Variants in AP1B1 observed in about 807,000 individuals in gnomAD.
AP1B1 encodes adaptor related protein complex 1 subunit beta 1.
A neutral mutation model predicts 104.3 loss-of-function variants in AP1B1; 36 were observed. The observed-to-expected ratio is 0.35, with a 90% CI of 0.26 to 0.46. The LOEUF is 0.46. Ranked by LOEUF, AP1B1 falls within the 20% of genes least tolerant of loss-of-function variation. AP1B1 has a pLI of 1.00. For missense variants in AP1B1, 901 were observed against 1,247.9 expected (o/e 0.72, Z 4.19); for synonymous variants, 504 against 517.5 (o/e 0.97, Z 0.35).
chr22:29,384,290 CTG>C (rs1602837479), intron 1 of AP1B1, among the ~76,000 whole-genome samples: 1 of 152,070 alleles, frequency 6.6e-6, no homozygotes, highest in Non-Finnish European at 1.5e-5. Flanking sequence ...TCCCAGGTCT[CTG>C]GAAGCCCTGA....
intron 19 of AP1B1, 115 bp downstream of exon 19, chr22:29,331,334 G>T: frequency 4.8e-6 from 5 of 1,047,732 alleles, no homozygotes; most frequent in South Asian, 2.7e-5. Context: ...GCAACTCCCC[G>T]ACTCCATTTA....
rs768246871 is a variant in AP1B1, at chr22:29,340,743, G to A, written c.1911C>T (p.Leu637=). The A allele has an allele frequency of 8.8e-6, 14 of 1,596,458 alleles. No homozygotes were observed. The highest frequency in any genetic ancestry group is 4.6e-5 in the South Asian group (4 of 87,502). The change falls in exon 14 of 23, where the codon CTC becomes CTT. Residue 637 remains leucine (L), a synonymous_variant. Transcript: ENST00000357586. ...GGGGTGGGCCGCTCACTGGGGGGCC[G>A]AGGTCCAGGTTGAGGAGGTCACCCA... is the stretch of plus-strand genomic sequence containing the variant. The part of the protein sequence containing the change: ...DLLGDLLNLD[L]GPPVSGPPLA...
chr22:29,343,051 T>C (rs1263249270), intron 11 of AP1B1, among the ~76,000 whole-genome samples: 1 of 152,104 alleles, frequency 6.6e-6, no homozygotes, highest in Non-Finnish European at 1.5e-5. Flanking sequence ...TGGGCTGGAG[T>C]GATGTCTGTC....
intron 6 of AP1B1, among the ~76,000 whole-genome samples, chr22:29,355,977 G>C (rs1370881796): frequency 6.6e-6 from 1 of 152,120 alleles, no homozygotes; most frequent in Admixed American, 6.5e-5. Context: ...TGAGTCAGGT[G>C]AGCCCCAGCC....
In AP1B1 at chr22:29,383,627, T is replaced by C. The variant is rs1286210191; in HGVS notation, c.-28+4797A>G. Among the ~76,000 whole-genome samples, 3 of 141,428 alleles carry C rather than the reference T, an allele frequency of 2.1e-5. No individual in the cohort carries two copies. The Admixed American group carries it at 2.4e-4, about 11-fold the overall frequency. The allele number at this position is 141,428 out of a possible 152,430, so 92.8% of individuals were successfully genotyped here. ...AGGAGGCTGAAGCAGGAGAATGGCGTGAACCTGGGAGGCAGAGCTTGCAGT... is the reference window on the plus strand; with the variant it reads ...AGGAGGCTGAAGCAGGAGAATGGCGCGAACCTGGGAGGCAGAGCTTGCAGT... On this transcript the variant is annotated intron_variant, in intron 1 of 22. Transcript: ENST00000357586.
rs5844848 is a variant in AP1B1, at chr22:29,368,756, C to CAAAAA, written c.-27-1491_-27-1487dup. 2.5e-5 allele frequency among the ~76,000 whole-genome samples: 3 copies of CAAAAA among 118,726 alleles called. 1 individual carries two copies. Among genetic ancestry groups the CAAAAA allele is most frequent in the Non-Finnish European group, 5.5e-5 (3 of 54,968 alleles). 77.9% of individuals were successfully genotyped at this position (118,726 alleles called of 152,430 possible). A position where few individuals can be genotyped will look rare whatever the true frequency, so the allele number is the denominator to read the frequency against. On this transcript the variant is annotated intron_variant, in intron 1 of 22. Transcript: ENST00000357586. ...CCTGATAGTGGCTAAAGGATTCAGTCAAAAAAAAAAAAAAAAATTGAGGCC... is the reference window on the plus strand; with the variant it reads ...CCTGATAGTGGCTAAAGGATTCAGTCAAAAAAAAAAAAAAAAAAAAAATTGAGGCC...
At position 29,363,033 on chromosome 22, in the gene AP1B1, C is replaced by G; in HGVS notation, c.111G>C (p.Val37=). 1 of 1,609,474 alleles carries G rather than the reference C, an allele frequency of 6.2e-7. No individual in the cohort carries two copies. Among genetic ancestry groups the G allele is most frequent in the Non-Finnish European group, 8.5e-7 (1 of 1,175,836 alleles). The change falls in exon 3 of 23, where the codon GTG becomes GTC. Residue 37 remains valine (V), a synonymous_variant. Transcript: ENST00000357586. ...CTTTGCCCACGGTCATCGATGCAAT[C>G]ACTTTCTTCACTGCCTCCTTCTTCT... ...KEKKKEAVKK[V]IASMTVGKDV...
intron 6 of AP1B1, among the ~76,000 whole-genome samples, chr22:29,356,037 C>G (rs2061952257): frequency 6.6e-6 from 1 of 152,216 alleles, no homozygotes; most frequent in Non-Finnish European, 1.5e-5. Flanking sequence ...GCTCCCTCAT[C>G]TGGAAAGTGG....
At chr22:29,335,899 C>T (rs560305543) in intron 16 of AP1B1, among the ~76,000 whole-genome samples, 10 of 152,278 alleles carry the variant, frequency 6.6e-5, no homozygotes, top group East Asian at 3.9e-4. Context: ...TGAGAGAGTA[C>T]GCAGAAGCTG....
At position 29,360,003 on chromosome 22, in the gene AP1B1, G is replaced by A. The variant is rs749124797; in HGVS notation, c.144-44C>T. The A allele has an allele frequency of 1.9e-6, 3 of 1,588,690 alleles. No individual in the cohort carries two copies. The Admixed American group carries it at 5.1e-5, about 27-fold the overall frequency. ...GTCAGCATGGGAAAGGCTGAACAAA[G>A]GAAGAGGAAGATTTTCAGGCTGCTA... On this transcript the variant is annotated intron_variant, in intron 3 of 22. Coordinates refer to ENST00000357586, the MANE Select transcript of AP1B1 (RefSeq NM_001127.4).
intron 7 of AP1B1, among the ~76,000 whole-genome samples, chr22:29,353,092 C>T (rs762625707): frequency 2.0e-5 from 3 of 152,170 alleles, no homozygotes; most frequent in Non-Finnish European, 4.4e-5. Flanking sequence ...GGTCACATGG[C>T]TAATGTCAGT....
intron 17 of AP1B1, among the ~76,000 whole-genome samples, chr22:29,333,830 G>A (rs113276065): frequency 0.019 from 2,935 of 152,256 alleles, 30 homozygotes; most frequent in South Asian, 0.045. Context: ...TTGGGAGGCC[G>A]AGGTGGGCGG....
intron 7 of AP1B1, among the ~76,000 whole-genome samples, chr22:29,353,633 C>T (rs928921718): frequency 3.3e-5 from 5 of 152,084 alleles, no homozygotes; most frequent in African/African-American, 9.7e-5. Context: ...TAACCCAATT[C>T]GACCAATATC....
chr22:29,356,633 GA>G lies in AP1B1; in HGVS notation c.526-18del. The G allele has an allele frequency of 5.0e-6, 8 of 1,611,972 alleles. No individual in the cohort carries two copies. The highest frequency in any genetic ancestry group is 6.8e-6 in the Non-Finnish European group (8 of 1,178,694). ...GGCCACCACCTGGTTGAGAGGGTGG[GA>G]GGGGCAGAGGCTGGGGGTGCTGCTC... On this transcript the variant is annotated intron_variant, in intron 5 of 22. Coordinates refer to ENST00000357586, the MANE Select transcript of AP1B1 (RefSeq NM_001127.4).
At chr22:29,355,333 G>A (rs1235723535) in intron 6 of AP1B1, among the ~76,000 whole-genome samples, 1 of 151,938 alleles carries the variant, frequency 6.6e-6, no homozygotes, top group Non-Finnish European at 1.5e-5. Context: ...GGTGGTGCAT[G>A]CCTGTAGTCC....
intron 5 of AP1B1, among the ~76,000 whole-genome samples, chr22:29,357,452 G>T (rs2061976778): frequency 6.6e-6 from 1 of 151,888 alleles, no homozygotes; most frequent in African/African-American, 2.4e-5. Context: ...TGCAACCTCT[G>T]CCTCCTGGGC....
intron 1 of AP1B1, among the ~76,000 whole-genome samples, chr22:29,371,691 G>A (rs533763377): frequency 6.6e-6 from 1 of 152,078 alleles, no homozygotes; most frequent in South Asian, 2.1e-4. Flanking sequence ...TCGCGCCACT[G>A]CACTCTAGCT....
chr22:29,330,184 T>C (rs1319669217), intron 21 of AP1B1, 194 bp downstream of exon 21: 29 of 1,444,080 alleles, frequency 2.0e-5, no homozygotes, highest in East Asian at 1.5e-4. Flanking sequence ...CGAGACCCAA[T>C]TGGTGTCTTA....
chr22:29,382,588 G>A (rs2062454476), intron 1 of AP1B1, among the ~76,000 whole-genome samples: 1 of 152,046 alleles, frequency 6.6e-6, no homozygotes, highest in Non-Finnish European at 1.5e-5. Context: ...CACAATGGAG[G>A]CAAAAAAGAG....
Sources: gnomAD v4.1 joint callset for allele counts (sites outside exome capture counted in the v4.1 genomes callset) on GRCh38, gnomAD v4.1.1 for gene constraint, MANE v1.5 for transcripts, NCBI Gene and HGNC (gene_info 2026-07-23, HGNC 2026-07-21) for gene names.